PHKA2: variants seen among roughly 807,000 people sequenced by gnomAD.
PHKA2 encodes phosphorylase kinase regulatory subunit alpha 2, also known as phosphorylase b kinase regulatory subunit alpha, liver isoform.
In PHKA2, 31 loss-of-function variants were observed where a neutral mutation model predicts 102.0. The ratio of observed to expected loss-of-function variants is 0.30; its 90% confidence interval spans 0.23 to 0.41. The LOEUF is 0.41. PHKA2 is among the 10% of genes least tolerant of loss of function. PHKA2 has a pLI of 1.00. For synonymous variants in PHKA2, 455 were observed against 416.2 expected (o/e 1.09, Z -1.13); for missense variants, 858 against 1,023.1 (o/e 0.84, Z 2.20).
chrX:18,951,534 T>C (rs2048688559), intron 3 of PHKA2, among the ~76,000 whole-genome samples: 1 of 110,935 alleles, frequency 9.0e-6, no homozygotes, highest in Non-Finnish European at 1.9e-5. Flanking sequence ...CTTGTCTACA[T>C]ATCCCCAGCT....
chrX:18,911,375 G>A (rs191815529), intron 19 of PHKA2, among the ~76,000 whole-genome samples: 60 of 111,435 alleles, frequency 5.4e-4, no homozygotes, highest in African/African-American at 1.8e-3. Flanking sequence ...ATTTCGCCAT[G>A]TTGGTCAGGC....
chrX:18,938,640 C>A lies in PHKA2; in HGVS notation c.1028G>T (p.Gly343Val). ...GCATTTTCTCACCTGAACAGCATCA[C>A]CACTGAAGACTCCATCTATTATAAA... ...TYFIIDGVFS[G>V]DAVQVQEYRE... Residue 343 changes from glycine to valine, a missense_variant, in exon 10 of 33, where the codon GGT becomes GTT. Around this residue, in one of 2 missense-constraint regions of PHKA2, gnomAD observed 671 missense variants for 745.2 expected, o/e 0.90. Transcript: ENST00000379942. The A allele has an allele frequency of 8.3e-7, 1 of 1,205,362 alleles. No homozygotes were observed. The highest frequency in any genetic ancestry group is 1.1e-6 in the Non-Finnish European group (1 of 889,459).
chrX:18,937,870 G>A (rs1368427806), intron 10 of PHKA2, among the ~76,000 whole-genome samples: 2 of 112,228 alleles, frequency 1.8e-5, no homozygotes, highest in Admixed American at 9.4e-5. Flanking sequence ...GAACCAGGCC[G>A]GAGGCTGAGA....
intron 8 of PHKA2, among the ~76,000 whole-genome samples, chrX:18,941,211 A>ATT (rs1046915262): frequency 9.1e-6 from 1 of 109,860 alleles, no homozygotes; most frequent in Non-Finnish European, 1.9e-5. Flanking sequence ...GGACATATGC[A>ATT]TTTTTTTTTC....
At chrX:18,962,942 T>C (rs191675894) in intron 1 of PHKA2, among the ~76,000 whole-genome samples, 165 of 112,051 alleles carry the variant, frequency 1.5e-3, no homozygotes, top group African/African-American at 5.1e-3. Context: ...CCACATATCA[T>C]GGGAAGGAGG....
chrX:18,970,501 T>A (rs749805519), intron 1 of PHKA2, among the ~76,000 whole-genome samples: 1 of 112,589 alleles, frequency 8.9e-6, no homozygotes, highest in African/African-American at 3.2e-5. Flanking sequence ...TTAATGGCTA[T>A]ATAGTATTCC....
At chrX:18,919,161 A>G (rs2048073046) in intron 18 of PHKA2, among the ~76,000 whole-genome samples, 1 of 112,137 alleles carries the variant, frequency 8.9e-6, no homozygotes, top group Non-Finnish European at 1.9e-5. Context: ...CCTGAAGGAT[A>G]GCAGCCGAAG....
chrX:18,910,777 G>T, intron 20 of PHKA2, 95 bp downstream of exon 20: 1 of 529,757 alleles, frequency 1.9e-6, no homozygotes, highest in Non-Finnish European at 3.4e-6. Context: ...GAAATATGCT[G>T]TTTCTTTTGA....
intron 13 of PHKA2, among the ~76,000 whole-genome samples, chrX:18,926,935 C>T (rs1368633725): frequency 1.8e-5 from 2 of 111,766 alleles, no homozygotes; most frequent in Non-Finnish European, 3.8e-5. Flanking sequence ...TGCCTGGTGT[C>T]CCTTTTTATG....
At chrX:18,954,850 C>T (rs753774333) in intron 1 of PHKA2, among the ~76,000 whole-genome samples, 1 of 112,077 alleles carries the variant, frequency 8.9e-6, no homozygotes, top group South Asian at 3.7e-4. Flanking sequence ...AGGCAGGGCC[C>T]CACTCCGCTC....
intron 1 of PHKA2, among the ~76,000 whole-genome samples, chrX:18,977,090 T>C (rs1049380886): frequency 9.8e-5 from 11 of 112,566 alleles, no homozygotes; most frequent in African/African-American, 3.5e-4. Context: ...TTATTTGGAA[T>C]GCTTTTGCTG....
intron 22 of PHKA2, among the ~76,000 whole-genome samples, chrX:18,907,564 G>C (rs1408165451): frequency 8.9e-6 from 1 of 111,890 alleles, no homozygotes; most frequent in Admixed American, 9.5e-5. Flanking sequence ...ATTTTGCCTG[G>C]CCTTGGGGTT....
At chrX:18,925,890 G>T in intron 14 of PHKA2, 113 bp from the exon 15 acceptor site, 1 of 544,838 alleles carries the variant, frequency 1.8e-6, no homozygotes, top group Admixed American at 2.5e-5. Flanking sequence ...CCATTTTGGG[G>T]CTTGGTTCTT....
chrX:18,906,928 C>T (rs1009926474), intron 23 of PHKA2, 90 bp downstream of exon 23: 1 of 1,019,714 alleles, frequency 9.8e-7, no homozygotes, highest in Non-Finnish European at 1.4e-6. Flanking sequence ...GACAGAGTGT[C>T]TTTAAAAAGC....
At chrX:18,958,645 G>T (rs911241356) in intron 1 of PHKA2, among the ~76,000 whole-genome samples, 3 of 109,116 alleles carry the variant, frequency 2.7e-5, no homozygotes, top group Non-Finnish European at 5.7e-5. Flanking sequence ...TTCTTGTCTG[G>T]GAGGGAGGGC....
chrX:18,928,850 C>T (rs1032234220), intron 13 of PHKA2, among the ~76,000 whole-genome samples: 1 of 112,678 alleles, frequency 8.9e-6, no homozygotes, highest in Admixed American at 9.3e-5. Context: ...AGGTGAAAGG[C>T]GGAAAGATGT....
At chrX:18,948,918 T>C (rs774403905) in intron 4 of PHKA2, 92 bp from the exon 5 acceptor site, 3 of 610,121 alleles carry the variant, frequency 4.9e-6, no homozygotes, top group East Asian at 3.7e-5. Context: ...TAAACCCTTT[T>C]ACCCTCATTT....
intron 26 of PHKA2, among the ~76,000 whole-genome samples, chrX:18,901,821 A>C (rs375915866): frequency 1.1e-4 from 12 of 109,559 alleles, no homozygotes; most frequent in African/African-American, 4.0e-4. Flanking sequence ...CACAGTGGCC[A>C]GGAAGCCCCG....
chrX:18,911,794 T>C (rs2047933516), intron 19 of PHKA2, among the ~76,000 whole-genome samples: 1 of 112,546 alleles, frequency 8.9e-6, no homozygotes, highest in Non-Finnish European at 1.9e-5. Flanking sequence ...TTTTCCCTCC[T>C]GGAATTCAGG....
Sources: gnomAD v4.1 joint callset for allele counts (sites outside exome capture counted in the v4.1 genomes callset) on GRCh38, gnomAD v4.1.1 for gene constraint, gnomAD v4.1.1 regional missense constraint, MANE v1.5 for transcripts, NCBI Gene and HGNC (gene_info 2026-07-23, HGNC 2026-07-21) for gene names.